The following MEGF11 variants were observed in gnomAD, a reference collection of about 807,000 sequenced individuals.
The protein encoded by MEGF11 is multiple epidermal growth factor-like domains protein 11.
A neutral mutation model predicts 146.6 loss-of-function variants in MEGF11; 126 were observed. The observed-to-expected ratio is 0.86, with a 90% confidence interval of 0.74 to 1.00. MEGF11 has a LOEUF of 1.00. Ranked by LOEUF, MEGF11 falls within the 50% of genes least tolerant of loss-of-function variation. The pLI is 0.00. For synonymous variants in MEGF11, 532 were observed against 583.4 expected (o/e 0.91, Z 1.27); for missense variants, 1,509 against 1,521.2 (o/e 0.99, Z 0.13).
At chr15:66,061,034 G>A (rs1308587027) in intron 5 of MEGF11, among the ~76,000 whole-genome samples, 2 of 152,218 alleles carry the variant, frequency 1.3e-5, no homozygotes, top group African/African-American at 4.8e-5. Context: ...TAGGGCCAGG[G>A]TAGCAGTGAA....
chr15:65,970,604 C>T lies in MEGF11; in HGVS notation c.848G>A (p.Cys283Tyr), dbSNP rs1157339985. 6.2e-7 allele frequency: 1 copy of T among 1,614,004 alleles called. No individual in the cohort carries two copies. The highest frequency in any genetic ancestry group is 8.5e-7 in the Non-Finnish European group (1 of 1,179,876). Residue 283 changes from cysteine to tyrosine, a missense_variant, in exon 8 of 26, where the codon TGT becomes TAT. Coordinates refer to ENST00000395614, the MANE Select transcript of MEGF11 (RefSeq NM_001385028.1). ...GTGGCACTGTCCAGTCACGTGGTCA[C>T]ACTGCCCTCCATGGTGGCAAGGACA... ...QDCPCHHGGQ[C>Y]DHVTGQCHCT... is the part of the protein sequence containing the mutation.
intron 1 of MEGF11, among the ~76,000 whole-genome samples, chr15:66,240,519 C>T (rs546117233): frequency 1.3e-5 from 2 of 152,344 alleles, no homozygotes; most frequent in East Asian, 1.9e-4. Flanking sequence ...TTTTCTAATA[C>T]GCCCATGGGG....
intron 7 of MEGF11, among the ~76,000 whole-genome samples, chr15:65,972,251 TATA>T (rs1329861959): frequency 6.6e-6 from 1 of 152,004 alleles, no homozygotes; most frequent in African/African-American, 2.4e-5. Flanking sequence ...TGATGGAAAA[TATA>T]ATAAAATTTC....
At chr15:66,218,530 CCAAGGA>C (rs2091644248) in intron 1 of MEGF11, among the ~76,000 whole-genome samples, 6 of 152,172 alleles carry the variant, frequency 3.9e-5, no homozygotes, top group Admixed American at 2.6e-4. Context: ...CCTCCCTGCT[CCAAGGA>C]GTTTCATGTG....
chr15:65,936,986 A>C (rs909510589), intron 10 of MEGF11, among the ~76,000 whole-genome samples: 4 of 152,198 alleles, frequency 2.6e-5, no homozygotes, highest in African/African-American at 4.8e-5. Flanking sequence ...AACTCTGCCT[A>C]CCAGAGAGTG....
chr15:65,929,973 A>G, intron 11 of MEGF11, 90 bp from the exon 12 acceptor site: 1 of 1,251,758 alleles, frequency 8.0e-7, no homozygotes, highest in Non-Finnish European at 1.1e-6. Flanking sequence ...ACAGCATTCC[A>G]CCCAAACCAC....
In MEGF11 at chr15:66,165,748, T is replaced by C. The variant is rs189721811; in HGVS notation, c.-8-37337A>G. Among the ~76,000 whole-genome samples the C allele has an allele frequency of 1.5e-3, 233 of 152,292 alleles. 1 individual carries two copies. The highest frequency in any genetic ancestry group is 5.0e-3 in the African/African-American group (209 of 41,568). ...GCAGGAAGAATGGCTCCAAGCTCCC[T>C]TCAGAGGCCCCCATGACAAGAAAGG... On this transcript the variant is annotated intron_variant, in intron 1 of 25. Transcript: ENST00000395614.
intron 5 of MEGF11, among the ~76,000 whole-genome samples, chr15:66,082,834 T>C (rs1207914867): frequency 6.6e-6 from 1 of 152,098 alleles, no homozygotes; most frequent in African/African-American, 2.4e-5. Flanking sequence ...TCATTCTCCT[T>C]ACTCCCTTGC....
At chr15:66,111,001 T>C (rs1352162466) in intron 4 of MEGF11, among the ~76,000 whole-genome samples, 3 of 152,014 alleles carry the variant, frequency 2.0e-5, no homozygotes, top group African/African-American at 7.3e-5. Flanking sequence ...TGGCCACAGG[T>C]TTCTCCTACT....
intron 4 of MEGF11, among the ~76,000 whole-genome samples, chr15:66,116,248 T>TC (rs1293257097): frequency 6.6e-6 from 1 of 152,096 alleles, no homozygotes; most frequent in Non-Finnish European, 1.5e-5. Flanking sequence ...TCACATCCAG[T>TC]CTCTGGGCTG....
chr15:66,119,113 A>G lies in MEGF11; in HGVS notation c.274T>C (p.Tyr92His), dbSNP rs1393781532. The change falls in exon 4 of 26, where the codon TAC becomes CAC. Residue 92 changes from tyrosine to histidine, a missense_variant. By Grantham distance (83) the Tyr-to-His change is moderately conservative. Transcript: ENST00000395614. ...YRRRSQCCPG[Y>H]YESGDFCIPL... ...ATGCAGAAGTCTCCGCTCTCATAGT[A>G]GCCAGGGCAGCACTGGGACCTCCGC... 2 of 1,551,382 alleles carry G rather than the reference A, an allele frequency of 1.3e-6. No individual in the cohort carries two copies. The highest frequency in any genetic ancestry group is 1.7e-6 in the Non-Finnish European group (2 of 1,146,932).
rs1444182386 is a variant in MEGF11 at position 66,229,144 on chromosome 15, G to GA, written c.-9+24460dup. 2.6e-5 allele frequency among the ~76,000 whole-genome samples: 4 copies of GA among 151,958 alleles called. No homozygotes were observed. In the South Asian group the frequency reaches 8.3e-4, roughly 32 times the overall value. On this transcript the variant is annotated intron_variant, in intron 1 of 25. Coordinates refer to ENST00000395614, the MANE Select transcript of MEGF11 (RefSeq NM_001385028.1). Reference sequence around the variant, plus strand: ...GCCAGGATCCTGATATATCACTCAAGAAAAAATGTTCTTAGTCAAATAATG... The same window carrying GA: ...GCCAGGATCCTGATATATCACTCAAGAAAAAAATGTTCTTAGTCAAATAATG...
Position 65,992,469 on chromosome 15 carries a change from C to G in MEGF11, c.395-9981G>C, listed in dbSNP as rs1052684077. Among the ~76,000 whole-genome samples the G allele has an allele frequency of 1.6e-3, 238 of 148,772 alleles. 1 individual carries two copies. Among genetic ancestry groups the G allele is most frequent in the Non-Finnish European group, 2.7e-3 (183 of 67,466 alleles). The stretch of plus-strand genomic sequence containing the variant: ...TGTGTGTGGGGGGGGGGGTTAGTCA[C>G]ATCCTGAGGCACTATCAGCCATTAA... On this transcript the variant is annotated intron_variant, in intron 5 of 25. Transcript: ENST00000395614.
chr15:66,230,029 T>A lies in MEGF11; in HGVS notation c.-9+23576A>T, dbSNP rs548186708. Among the ~76,000 whole-genome samples, 5 of 152,222 alleles carry A rather than the reference T, an allele frequency of 3.3e-5. No individual in the cohort carries two copies. The South Asian group carries it at 1.0e-3, about 32-fold the overall frequency. ...TTTACCTCCTACAAGAGAGGGAGATTCATGTCATTCACAAAGGTCCAGAAT... is the reference window on the plus strand; with the variant it reads ...TTTACCTCCTACAAGAGAGGGAGATACATGTCATTCACAAAGGTCCAGAAT... On this transcript the variant is annotated intron_variant, in intron 1 of 25. Transcript: ENST00000395614.
chr15:66,044,106 G>C (rs2084101339), intron 5 of MEGF11, among the ~76,000 whole-genome samples: 1 of 152,174 alleles, frequency 6.6e-6, no homozygotes. Context: ...TGAGAAAGGA[G>C]AGGAAACCTC....
chr15:66,210,277 C>A (rs12592540), intron 1 of MEGF11, among the ~76,000 whole-genome samples: 47,717 of 151,982 alleles, frequency 0.31, 7,945 homozygotes, highest in African/African-American at 0.37. Flanking sequence ...CGAAACAGGA[C>A]CTTAACTCAA....
intron 10 of MEGF11, among the ~76,000 whole-genome samples, chr15:65,955,708 T>A: frequency 8.0e-6 from 1 of 125,332 alleles, no homozygotes; most frequent in Non-Finnish European, 1.6e-5. Context: ...TGTGCCACTG[T>A]ACTCCAGTCT....
intron 5 of MEGF11, among the ~76,000 whole-genome samples, chr15:66,023,045 G>A (rs1467245722): frequency 6.6e-6 from 1 of 151,092 alleles, no homozygotes; most frequent in East Asian, 1.9e-4. Context: ...CCCACAGGCT[G>A]AGGGAGAATT....
At chr15:66,051,857 G>A (rs2084460234) in intron 5 of MEGF11, among the ~76,000 whole-genome samples, 1 of 152,234 alleles carries the variant, frequency 6.6e-6, no homozygotes, top group East Asian at 1.9e-4. Flanking sequence ...GTGCTGTGCA[G>A]TTTCGTGGAA....
Sources: gnomAD v4.1 joint callset for allele counts (sites outside exome capture counted in the v4.1 genomes callset) on GRCh38, gnomAD v4.1.1 for gene constraint, MANE v1.5 for transcripts, NCBI Gene and HGNC (gene_info 2026-07-23, HGNC 2026-07-21) for gene names.